The following EPS15 variants were observed in gnomAD, a reference collection of about 807,000 sequenced individuals.
EPS15 encodes the protein epidermal growth factor receptor substrate 15.
In EPS15, 72 loss-of-function variants were observed where a neutral mutation model predicts 113.8. The ratio of observed to expected loss-of-function variants is 0.63; its 90% CI spans 0.52 to 0.77. EPS15 has a LOEUF of 0.77. Ranked by LOEUF, EPS15 falls within the 30% of genes least tolerant of loss-of-function variation. The pLI, the probability that EPS15 is intolerant of heterozygous loss-of-function variation, is 0.00. For synonymous variants in EPS15, 344 were observed against 363.4 expected, an observed-to-expected ratio of 0.95 and a Z score of 0.61; for missense variants, 1,048 against 1,045.8, an observed-to-expected ratio of 1.00 and a Z score of -0.03.
intron 6 of EPS15, 52 bp from the exon 7 acceptor site, chr1:51,463,850 C>G: frequency 8.5e-7 from 1 of 1,178,224 alleles, no homozygotes; most frequent in South Asian, 1.5e-5. Context: ...AAGGATTTAA[C>G]TGCAGTTATA....
chr1:51,513,388 G>A (rs1644661239), intron 1 of EPS15, among the ~76,000 whole-genome samples: 1 of 152,170 alleles, frequency 6.6e-6, no homozygotes. Flanking sequence ...TGATGTTATA[G>A]AGCAATCTCC....
intron 12 of EPS15, among the ~76,000 whole-genome samples, chr1:51,428,481 A>C (rs1557459582): frequency 6.7e-6 from 1 of 150,030 alleles, no homozygotes; most frequent in Non-Finnish European, 1.5e-5. Context: ...TTGTGACATC[A>C]ATAACATAAC....
At chr1:51,403,967 T>C (rs1412513354) in intron 16 of EPS15, among the ~76,000 whole-genome samples, 1 of 152,214 alleles carries the variant, frequency 6.6e-6, no homozygotes, top group Non-Finnish European at 1.5e-5. Flanking sequence ...AAAATGTGGA[T>C]GTGATCGTGA....
intron 12 of EPS15, among the ~76,000 whole-genome samples, chr1:51,431,839 T>C (rs1266892131): frequency 6.6e-6 from 1 of 152,106 alleles, no homozygotes; most frequent in Non-Finnish European, 1.5e-5. Context: ...AGAAAAGAAA[T>C]ATAAAACGAA....
At chr1:51,388,200 C>A (rs373779100) in intron 21 of EPS15, among the ~76,000 whole-genome samples, 2 of 152,210 alleles carry the variant, frequency 1.3e-5, no homozygotes, top group Admixed American at 6.5e-5. Flanking sequence ...GGAAACTGAA[C>A]AACCTGCTCC....
At chr1:51,362,100 G>C (rs537010536) in intron 23 of EPS15, among the ~76,000 whole-genome samples, 14 of 152,102 alleles carry the variant, frequency 9.2e-5, no homozygotes, top group Non-Finnish European at 1.9e-4. Context: ...AATAAAAATA[G>C]GGGTCAAAAT....
At chr1:51,368,742 T>C (rs781318100) in intron 21 of EPS15, among the ~76,000 whole-genome samples, 1 of 151,884 alleles carries the variant, frequency 6.6e-6, no homozygotes, top group Non-Finnish European at 1.5e-5. Context: ...GGAATACAGG[T>C]GTGTGCCACC....
rs1648248296 is a variant in EPS15 at position 51,399,059 on chromosome 1, A to G, written c.2025T>C (p.Ser675=). 1 of 1,613,926 alleles carries G rather than the reference A, an allele frequency of 6.2e-7. No homozygotes were observed. Among genetic ancestry groups the G allele is most frequent in the Non-Finnish European group, 8.5e-7 (1 of 1,179,956 alleles). Residue 675 remains serine, a synonymous_variant, in exon 20 of 25, where the codon AGT becomes AGC. Transcript: ENST00000371733. Reference sequence around the variant, plus strand: ...ATGTAATACTGCTATTGTTGGCTGCACTGAAAGGGTCAGTGCTTGAAGTGG... The same window carrying G: ...ATGTAATACTGCTATTGTTGGCTGCGCTGAAAGGGTCAGTGCTTGAAGTGG... ...PFATSSTDPF[S]AANNSSITSV... is the part of the protein sequence containing the mutation.
intron 8 of EPS15, chr1:51,458,574 T>A: frequency 2.3e-6 from 1 of 441,294 alleles, no homozygotes; most frequent in Non-Finnish European, 4.5e-6. Context: ...CTGTCTCTAC[T>A]AAAAATATAA....
rs113464745 is a variant in EPS15, at chr1:51,450,160, C to T, written c.562-2025G>A. ...AGCTGTGGTGAAGGATTGGGCACAA[C>T]GTGGGACATAAGGCTCCCAACTGCT... On this transcript the variant is annotated intron_variant, in intron 8 of 24. Coordinates refer to ENST00000371733, the MANE Select transcript of EPS15 (RefSeq NM_001981.3). Among the ~76,000 whole-genome samples the T allele has an allele frequency of 7.3e-3, 1,101 of 151,744 alleles. 33 individuals are homozygous for T. Among genetic ancestry groups the T allele is most frequent in the African/African-American group, 0.026 (1,058 of 41,114 alleles).
intron 1 of EPS15, among the ~76,000 whole-genome samples, chr1:51,515,135 T>C (rs1644691679): frequency 2.0e-5 from 3 of 152,162 alleles, no homozygotes; most frequent in Admixed American, 6.5e-5. Flanking sequence ...ATTTCCAAGT[T>C]TTCTGTAATA....
intron 12 of EPS15, among the ~76,000 whole-genome samples, chr1:51,428,256 A>G (rs1319086362): frequency 1.3e-5 from 2 of 152,202 alleles, no homozygotes; most frequent in African/African-American, 4.8e-5. Context: ...GGAGTCCTTC[A>G]GGTTAAAATG....
At chr1:51,502,898 C>T (rs1211932674) in intron 1 of EPS15, among the ~76,000 whole-genome samples, 1 of 150,614 alleles carries the variant, frequency 6.6e-6, no homozygotes, top group African/African-American at 2.4e-5. Flanking sequence ...TCCAACTACT[C>T]GGGAGGCTGA....
chr1:51,356,611 G>T lies in EPS15; in HGVS notation c.*89C>A. ...AATCTCAAACCTTTTGTATTCCCAT[G>T]CTCACAGGTAGTTTTGATACACATT... On this transcript the variant is annotated 3_prime_UTR_variant, in exon 25 of 25. Coordinates refer to ENST00000371733, the MANE Select transcript of EPS15 (RefSeq NM_001981.3). The T allele has an allele frequency of 8.9e-7, 1 of 1,123,074 alleles. No homozygotes were observed. The highest frequency in any genetic ancestry group is 1.2e-6 in the Non-Finnish European group (1 of 808,534). 69.6% of individuals were successfully genotyped at this position (1,123,074 alleles called of 1,614,324 possible).
At chr1:51,488,182 T>C (rs1644159864) in intron 1 of EPS15, among the ~76,000 whole-genome samples, 1 of 152,164 alleles carries the variant, frequency 6.6e-6, no homozygotes, top group Non-Finnish European at 1.5e-5. Context: ...TCCCCAAATG[T>C]GATCAGTATA....
chr1:51,394,368 ATTAT>A lies in EPS15; in HGVS notation c.2119+9_2119+12del, dbSNP rs1229302696. 3.2e-6 allele frequency: 5 copies of A among 1,556,968 alleles called. No individual in the cohort carries two copies. The highest frequency in any genetic ancestry group is 4.4e-6 in the Non-Finnish European group (5 of 1,140,118). ...GTTTAATGTTCAATGAAGTTGATAA[ATTAT>A]TTATTTACCTGAATCGCTTGCTGCA... On this transcript the variant is annotated intron_variant, in intron 21 of 24. Transcript: ENST00000371733.
At chr1:51,482,624 C>T (rs1013497797) in intron 1 of EPS15, among the ~76,000 whole-genome samples, 6 of 152,016 alleles carry the variant, frequency 3.9e-5, no homozygotes, top group African/African-American at 1.4e-4. Context: ...CACCACCATG[C>T]CTGGCTAATT....
At chr1:51,481,001 T>G (rs554735955) in intron 2 of EPS15, among the ~76,000 whole-genome samples, 2 of 152,372 alleles carry the variant, frequency 1.3e-5, no homozygotes, top group Non-Finnish European at 2.9e-5. Flanking sequence ...GTCTTAAGAA[T>G]TTGGAATATT....
At chr1:51,398,915 A>T (rs1648233199) in intron 20 of EPS15, 117 bp downstream of exon 20, 2 of 879,886 alleles carry the variant, frequency 2.3e-6, no homozygotes, top group Non-Finnish European at 1.7e-6. Context: ...TGAAATTCTT[A>T]TATGGTCCAT....
Sources: gnomAD v4.1 joint callset for allele counts (sites outside exome capture counted in the v4.1 genomes callset) on GRCh38, gnomAD v4.1.1 for gene constraint, MANE v1.5 for transcripts, NCBI Gene and HGNC (gene_info 2026-07-23, HGNC 2026-07-21) for gene names.